The following TUBB4B variants were observed in gnomAD, a reference collection of about 807,000 sequenced individuals.
TUBB4B encodes tubulin beta-4B chain.
In TUBB4B, 7 loss-of-function variants were observed where a neutral mutation model predicts 34.3. That is an observed-to-expected ratio of 0.20 (90% CI 0.12 to 0.38). TUBB4B has a LOEUF of 0.38. Ranked by LOEUF, TUBB4B falls within the 10% of genes least tolerant of loss-of-function variation. TUBB4B has a pLI of 1.00. For missense variants in TUBB4B, 178 were observed against 610.9 expected (o/e 0.29, Z 7.47); for synonymous variants, 390 against 250.2 (o/e 1.56, Z -5.27).
Position 137,243,657 on chromosome 9 carries a change from C to T in TUBB4B, c.*101C>T, listed in dbSNP as rs529846051. ...CCACTGTGTGCACTTGCTGTTTTCCCTGTCCACATCCATGCTGTACAGACA... is the reference window on the plus strand; with the variant it reads ...CCACTGTGTGCACTTGCTGTTTTCCTTGTCCACATCCATGCTGTACAGACA... On this transcript the variant is annotated 3_prime_UTR_variant, in exon 4 of 4. Coordinates refer to ENST00000340384, the MANE Select transcript of TUBB4B (RefSeq NM_006088.6). The T allele has an allele frequency of 7.4e-6, 12 of 1,614,004 alleles. No individual in the cohort carries two copies. The highest frequency in any genetic ancestry group is 5.0e-5 in the Admixed American group (3 of 60,016).
chr9:137,241,417 G>A lies in TUBB4B; in HGVS notation c.57G>A (p.Lys19=). Residue 19 remains lysine, a splice_region_variant and synonymous_variant, in exon 1 of 4, where the codon AAG becomes AAA. Coordinates refer to ENST00000340384, the MANE Select transcript of TUBB4B (RefSeq NM_006088.6). ...AGQCGNQIGA[K]FWEVISDEHG... ...AGTGCGGCAACCAAATCGGCGCCAAGGTAAGTTGCCGGGGCGCTGGGGCCA... is the reference window on the plus strand; with the variant it reads ...AGTGCGGCAACCAAATCGGCGCCAAAGTAAGTTGCCGGGGCGCTGGGGCCA... 6.3e-7 allele frequency: 1 copy of A among 1,588,736 alleles called. No individual in the cohort carries two copies. The highest frequency in any genetic ancestry group is 2.4e-5 in the East Asian group (1 of 41,618).
At chr9:137,242,069 G>A (rs1416608611) in intron 3 of TUBB4B, 48 bp downstream of exon 3, 5 of 1,567,448 alleles carry the variant, frequency 3.2e-6, no homozygotes, top group Non-Finnish European at 4.3e-6. Flanking sequence ...TCAAGGGGCT[G>A]CTCCAAGGGC....
rs1288261925 is a variant in TUBB4B at position 137,242,038 on chromosome 9, G to T, written c.277+17G>T. The T allele has an allele frequency of 3.1e-6, 5 of 1,608,414 alleles. No homozygotes were observed. The highest frequency in any genetic ancestry group is 4.2e-6 in the Non-Finnish European group (5 of 1,178,664). On this transcript the variant is annotated intron_variant, in intron 3 of 3. Transcript: ENST00000340384. ...TCGTTTTCGGTGAGCCGTGGCTGGG[G>T]ACTGGGCGGCGGCTCAAAGGTCAAG...
chr9:137,242,144 C>A (rs573233087), intron 3 of TUBB4B, 123 bp downstream of exon 3: 2 of 997,036 alleles, frequency 2.0e-6, no homozygotes, highest in Non-Finnish European at 2.9e-6. Flanking sequence ...CCACTCAATC[C>A]CCTCTACTAA....
Position 137,242,587 on chromosome 9 carries a change from G to A in TUBB4B, c.369G>A (p.Glu123=). ...VDSVLDVVRK[E]AESCDCLQGF... ...CGGTGCTGGATGTTGTGAGAAAGGAGGCTGAGAGCTGTGACTGCCTGCAGG... is the reference window on the plus strand; with the variant it reads ...CGGTGCTGGATGTTGTGAGAAAGGAAGCTGAGAGCTGTGACTGCCTGCAGG... The change falls in exon 4 of 4, where the codon GAG becomes GAA. Residue 123 remains glutamate, a synonymous_variant. Coordinates refer to ENST00000340384, the MANE Select transcript of TUBB4B (RefSeq NM_006088.6). The A allele has an allele frequency of 6.2e-7, 1 of 1,613,912 alleles. No individual in the cohort carries two copies. The highest frequency in any genetic ancestry group is 8.5e-7 in the Non-Finnish European group (1 of 1,180,014).
rs763888197 is a variant in TUBB4B at position 137,243,154 on chromosome 9, G to A, written c.936G>A (p.Thr312=). 9.3e-6 allele frequency: 15 copies of A among 1,612,966 alleles called. No homozygotes were observed. The highest frequency in any genetic ancestry group is 4.5e-5 in the East Asian group (2 of 44,904). Residue 312 remains threonine, a synonymous_variant, in exon 4 of 4, where the codon ACG becomes ACA. Transcript: ENST00000340384. Reference sequence around the variant, plus strand: ...ACCCCCGCCATGGCCGCTACCTGACGGTTGCCGCCGTGTTCAGGGGCCGCA... The same window carrying A: ...ACCCCCGCCATGGCCGCTACCTGACAGTTGCCGCCGTGTTCAGGGGCCGCA... The part of the protein sequence containing the change: ...ACDPRHGRYL[T]VAAVFRGRMS...
Position 137,241,349 on chromosome 9 carries a change from G to A in TUBB4B, c.-12G>A. 1 of 1,597,800 alleles carries A rather than the reference G, an allele frequency of 6.3e-7. No homozygotes were observed. Among genetic ancestry groups the A allele is most frequent in the South Asian group, 1.1e-5 (1 of 90,592 alleles). On this transcript the variant is annotated 5_prime_UTR_variant, in exon 1 of 4. Coordinates refer to ENST00000340384, the MANE Select transcript of TUBB4B (RefSeq NM_006088.6). ...TACTTCCTCCTGCTTCCCCGCCGCC[G>A]CCGCCGCCATCATGAGGGAAATCGT...
chr9:137,241,323 C>A lies in TUBB4B; in HGVS notation c.-38C>A. The A allele has an allele frequency of 6.3e-7, 1 of 1,587,996 alleles. No individual in the cohort carries two copies. Among genetic ancestry groups the A allele is most frequent in the Non-Finnish European group, 8.5e-7 (1 of 1,173,272 alleles). On this transcript the variant is annotated 5_prime_UTR_variant, in exon 1 of 4. Coordinates refer to ENST00000340384, the MANE Select transcript of TUBB4B (RefSeq NM_006088.6). ...CGCCCGCTCTTCTGCTGCTGTTTGT[C>A]TACTTCCTCCTGCTTCCCCGCCGCC... is the stretch of plus-strand genomic sequence containing the variant.
At position 137,241,839 on chromosome 9, in the gene TUBB4B, C is replaced by T. The variant is rs374420354; in HGVS notation, c.166+10C>T. ...TACAATGAGGCCACCGGTGAGGCCC[C>T]GGCCCCTTCCCCGACCGCCCTCCGG... On this transcript the variant is annotated intron_variant, in intron 2 of 3. Transcript: ENST00000340384. The T allele has an allele frequency of 8.7e-6, 14 of 1,611,976 alleles. No homozygotes were observed. Among genetic ancestry groups the T allele is most frequent in the African/African-American group, 8.0e-5 (6 of 74,916 alleles).
In TUBB4B at chr9:137,241,975, C is replaced by T. The variant is rs776740006; in HGVS notation, c.231C>T (p.Arg77=). 1.9e-6 allele frequency: 3 copies of T among 1,611,184 alleles called. No homozygotes were observed. The highest frequency in any genetic ancestry group is 1.7e-6 in the Non-Finnish European group (2 of 1,179,762). The change falls in exon 3 of 4, where the codon CGC becomes CGT. Residue 77 remains arginine, a synonymous_variant. Transcript: ENST00000340384. ...DLEPGTMDSV[R]SGPFGQIFRP... ...AGCCCGGCACCATGGACTCCGTGCG[C>T]TCGGGGCCCTTCGGGCAGATCTTCC...
rs1006854335 is a variant in TUBB4B, at chr9:137,243,001, C to A, written c.783C>A (p.Pro261=). Residue 261 remains proline, a synonymous_variant, in exon 4 of 4, where the codon CCC becomes CCA. Transcript: ENST00000340384. ...TGGCTGTGAACATGGTCCCGTTTCC[C>A]CGGCTGCACTTCTTCATGCCCGGCT... is the stretch of plus-strand genomic sequence containing the variant. ...RKLAVNMVPF[P]RLHFFMPGFA... 6.2e-7 allele frequency: 1 copy of A among 1,612,924 alleles called. No homozygotes were observed. Among genetic ancestry groups the A allele is most frequent in the Non-Finnish European group, 8.5e-7 (1 of 1,180,030 alleles).
At position 137,242,056 on chromosome 9, in the gene TUBB4B, A is replaced by T. The variant is rs753404880; in HGVS notation, c.277+35A>T. On this transcript the variant is annotated intron_variant, in intron 3 of 3. Transcript: ENST00000340384. ...GGCTGGGGACTGGGCGGCGGCTCAA[A>T]GGTCAAGGGGCTGCTCCAAGGGCAC... 4 of 1,598,052 alleles carry T rather than the reference A, an allele frequency of 2.5e-6. No homozygotes were observed. In the Admixed American group the frequency reaches 6.8e-5, roughly 27 times the overall value.
intron 3 of TUBB4B, 100 bp downstream of exon 3, chr9:137,242,121 C>A: frequency 8.4e-7 from 1 of 1,195,022 alleles, no homozygotes. Context: ...TGGACGCCCT[C>A]CTCTTCTCTG....
At chr9:137,242,066 G>A (rs1182884685) in intron 3 of TUBB4B, 45 bp downstream of exon 3, 3 of 1,580,570 alleles carry the variant, frequency 1.9e-6, no homozygotes, top group South Asian at 1.1e-5. Context: ...AGGTCAAGGG[G>A]CTGCTCCAAG....
At chr9:137,242,215 C>T (rs528877625) in intron 3 of TUBB4B, 194 bp downstream of exon 3, 3 of 674,854 alleles carry the variant, frequency 4.4e-6, no homozygotes, top group Admixed American at 2.9e-5. Context: ...CACACGTAAT[C>T]TCCCTGCAGG....
chr9:137,242,148 C>T (rs1366269635), intron 3 of TUBB4B, 127 bp downstream of exon 3: 9 of 974,998 alleles, frequency 9.2e-6, no homozygotes, highest in East Asian at 7.9e-5. Context: ...TCAATCCCCT[C>T]TACTAAATCG....
chr9:137,241,704 G>A lies in TUBB4B; in HGVS notation c.58-17G>A. 1 of 1,600,504 alleles carries A rather than the reference G, an allele frequency of 6.2e-7. No individual in the cohort carries two copies. Among genetic ancestry groups the A allele is most frequent in the Non-Finnish European group, 8.5e-7 (1 of 1,173,368 alleles). ...ACTCAGCCCCGGCCCGCCCGGGCCCGCCCGCGTCCCTTGTAGTTTTGGGAG... is the reference window on the plus strand; with the variant it reads ...ACTCAGCCCCGGCCCGCCCGGGCCCACCCGCGTCCCTTGTAGTTTTGGGAG... On this transcript the variant is annotated splice_polypyrimidine_tract_variant and intron_variant, in intron 1 of 3. Coordinates refer to ENST00000340384, the MANE Select transcript of TUBB4B (RefSeq NM_006088.6).
chr9:137,241,340 CCCG>C lies in TUBB4B; in HGVS notation c.-6_-4del, dbSNP rs370341505. The stretch of plus-strand genomic sequence containing the variant: ...CTGTTTGTCTACTTCCTCCTGCTTC[CCCG>C]CCGCCGCCGCCGCCATCATGAGGGA... On this transcript the variant is annotated 5_prime_UTR_variant, in exon 1 of 4. Transcript: ENST00000340384. The C allele has an allele frequency of 5.1e-3, 8,027 of 1,579,322 alleles. 21 individuals carry two copies. Among genetic ancestry groups the C allele is most frequent in the Non-Finnish European group, 6.3e-3 (7,385 of 1,165,856 alleles).
In TUBB4B at chr9:137,242,150, A is replaced by G. The variant is rs952542866; in HGVS notation, c.277+129A>G. The G allele has an allele frequency of 6.3e-6, 6 of 958,902 alleles. No homozygotes were observed. In the African/African-American group the frequency reaches 8.3e-5, roughly 13 times the overall value. 59.4% of individuals were successfully genotyped at this position (958,902 alleles called of 1,614,324 possible). ...TTCTCTGAGCCACTCAATCCCCTCTACTAAATCGGCTTTGGGAGCAAGGTC... is the reference window on the plus strand; with the variant it reads ...TTCTCTGAGCCACTCAATCCCCTCTGCTAAATCGGCTTTGGGAGCAAGGTC... On this transcript the variant is annotated intron_variant, in intron 3 of 3. Transcript: ENST00000340384.
Sources: allele counts gnomAD v4.1 joint callset, GRCh38; gene constraint gnomAD v4.1.1; transcripts MANE v1.5; gene names NCBI Gene and HGNC (gene_info 2026-07-23, HGNC 2026-07-21).